Variants in CD8B2 observed in about 807,000 individuals in gnomAD.
CD8B2 encodes the protein CD8B family member 2.
A neutral mutation model predicts 23.7 loss-of-function variants in CD8B2; 11 were observed. The observed-to-expected ratio is 0.46, with a 90% confidence interval of 0.29 to 0.77. CD8B2 has a LOEUF of 0.77. Ranked by LOEUF, CD8B2 falls within the 30% of genes least tolerant of loss-of-function variation. CD8B2 has a pLI of 0.09. For missense variants in CD8B2, 197 were observed against 270.5 expected (o/e 0.73, Z 1.91); for synonymous variants, 90 against 109.3 (o/e 0.82, Z 1.10).
chr2:106,535,888 G>A (rs910558822), intron 5 of CD8B2, among the ~76,000 whole-genome samples: 2 of 152,118 alleles, frequency 1.3e-5, no homozygotes, highest in Admixed American at 6.5e-5. Context: ...TCTGCAGGCT[G>A]TGCAGGAAGC....
At chr2:106,537,577 C>T (rs1558888094) in intron 5 of CD8B2, among the ~76,000 whole-genome samples, 1 of 152,196 alleles carries the variant, frequency 6.6e-6, no homozygotes. Flanking sequence ...TGCTTAAAAT[C>T]TCTTTTTACT....
chr2:106,506,386 C>T (rs1389202961), intron 5 of CD8B2, among the ~76,000 whole-genome samples: 2 of 152,126 alleles, frequency 1.3e-5, no homozygotes, highest in Admixed American at 6.5e-5. Flanking sequence ...CCTCCTCACT[C>T]TCTTCATTTT....
At position 106,510,224 on chromosome 2, in the gene CD8B2, G is replaced by A. The variant is rs1476827407; in HGVS notation, c.*3284G>A. The A allele has an allele frequency of 2.6e-5, 4 of 152,188 alleles. No individual in the cohort carries two copies. The highest frequency in any genetic ancestry group is 9.7e-5 in the African/African-American group (4 of 41,434). The allele number at this position is 152,188 out of a possible 1,614,324, so 9.4% of individuals were successfully genotyped here. ...TGGTCCAGTGATGGTCATTAGGAGG[G>A]AGCATGAGGTTTGAAGGTGAGCGTT... On this transcript the variant is annotated 3_prime_UTR_variant, in exon 6 of 6. Coordinates refer to ENST00000643224, the MANE Select transcript of CD8B2 (RefSeq NM_001349727.2).
intron 3 of CD8B2, among the ~76,000 whole-genome samples, chr2:106,498,148 C>G (rs7608352): frequency 7.0e-6 from 1 of 143,862 alleles, no homozygotes; most frequent in Non-Finnish European, 1.6e-5. Flanking sequence ...TCTTTTCTTT[C>G]TTTCTTTTTT....
chr2:106,517,877 T>TG (rs1679755673), intron 5 of CD8B2, among the ~76,000 whole-genome samples: 1 of 151,996 alleles, frequency 6.6e-6, no homozygotes, highest in South Asian at 2.1e-4. Context: ...AACGCCCGGC[T>TG]AATTTTTTTT....
At chr2:106,536,437 C>A (rs187821723) in intron 5 of CD8B2, among the ~76,000 whole-genome samples, 170 of 152,280 alleles carry the variant, frequency 1.1e-3, no homozygotes, top group African/African-American at 3.8e-3. Context: ...CCAGGCCCTG[C>A]CTCCAACTTT....
chr2:106,495,713 G>A (rs901869726), intron 2 of CD8B2, among the ~76,000 whole-genome samples: 1 of 152,060 alleles, frequency 6.6e-6, no homozygotes, highest in African/African-American at 2.4e-5. Flanking sequence ...ACATTCTATT[G>A]CTCTGTGACC....
At chr2:106,537,384 A>G (rs1680106009) in intron 5 of CD8B2, among the ~76,000 whole-genome samples, 1 of 152,140 alleles carries the variant, frequency 6.6e-6, no homozygotes, top group Admixed American at 6.5e-5. Context: ...ATTTCCTTGT[A>G]TGACCACAAG....
intron 5 of CD8B2, chr2:106,535,381 A>G (rs1039926783): frequency 1.4e-5 from 2 of 147,466 alleles, no homozygotes; most frequent in Non-Finnish European, 2.9e-5. Flanking sequence ...CCTGAGAGAA[A>G]ACATCAATAT....
downstream of CD8B2, among the ~76,000 whole-genome samples, chr2:106,512,660 GTCTCAAAC>G (rs1285295392): frequency 1.6e-4 from 25 of 151,906 alleles, no homozygotes; most frequent in Admixed American, 1.0e-3. Flanking sequence ...GCCCAGGCTG[GTCTCAAAC>G]TCCTGAGCTC....
At chr2:106,501,182 A>G (rs1679397733) in intron 3 of CD8B2, among the ~76,000 whole-genome samples, 1 of 152,058 alleles carries the variant, frequency 6.6e-6, no homozygotes, top group Non-Finnish European at 1.5e-5. Flanking sequence ...TGTTTTCTGC[A>G]GAGTTATTTG....
chr2:106,543,204 G>C (rs1207850382), intron 5 of CD8B2: 3 of 152,156 alleles, frequency 2.0e-5, no homozygotes, highest in Admixed American at 6.5e-5. Flanking sequence ...ACAAAGTCCT[G>C]CAAGTGAGGC....
At chr2:106,488,053 A>G (rs1037745441) in intron 1 of CD8B2, among the ~76,000 whole-genome samples, 1 of 151,948 alleles carries the variant, frequency 6.6e-6, no homozygotes, top group Admixed American at 6.6e-5. Context: ...CTGGAGTTGG[A>G]TGGGGCATCT....
downstream of CD8B2, among the ~76,000 whole-genome samples, chr2:106,514,287 T>C (rs1270183582): frequency 7.4e-3 from 1 of 136 alleles, no homozygotes. Flanking sequence ...AACGCTTGTC[T>C]TTTTTTTTTT....
downstream of CD8B2, among the ~76,000 whole-genome samples, chr2:106,512,368 C>G (rs1299833458): frequency 6.6e-6 from 1 of 152,002 alleles, no homozygotes; most frequent in African/African-American, 2.4e-5. Flanking sequence ...TGAGCCACAG[C>G]ACATGGCCTT....
intron 1 of CD8B2, among the ~76,000 whole-genome samples, chr2:106,488,134 C>T (rs1008488046): frequency 6.6e-6 from 1 of 152,026 alleles, no homozygotes; most frequent in African/African-American, 2.4e-5. Flanking sequence ...GGAAAACTGC[C>T]CAAACTTGTC....
downstream of CD8B2, among the ~76,000 whole-genome samples, chr2:106,513,560 A>G (rs1336758586): frequency 6.6e-6 from 1 of 150,496 alleles, no homozygotes; most frequent in Non-Finnish European, 1.5e-5. Context: ...CGAGGGGAAG[A>G]TGTGAGGTGG....
chr2:106,516,233 G>A (rs966530509), intron 5 of CD8B2, among the ~76,000 whole-genome samples: 1 of 152,098 alleles, frequency 6.6e-6, no homozygotes, highest in Non-Finnish European at 1.5e-5. Flanking sequence ...TTTCCCAGCA[G>A]CACCAGGGGG....
chr2:106,528,845 A>G (rs1485266832), intron 5 of CD8B2, among the ~76,000 whole-genome samples: 1 of 152,232 alleles, frequency 6.6e-6, no homozygotes, highest in Non-Finnish European at 1.5e-5. Flanking sequence ...GCATTTGTGT[A>G]AGACTTTGGT....
Sources: gnomAD v4.1 joint callset for allele counts (sites outside exome capture counted in the v4.1 genomes callset) on GRCh38, gnomAD v4.1.1 for gene constraint, MANE v1.5 for transcripts, NCBI Gene and HGNC (gene_info 2026-07-23, HGNC 2026-07-21) for gene names.